TIAM1: variants seen among roughly 807,000 people sequenced by gnomAD.
TIAM1 encodes the protein rho guanine nucleotide exchange factor TIAM1.
TIAM1 carries 65 observed loss-of-function variants against 163.5 expected under a neutral mutation model. The ratio of observed to expected loss-of-function variants is 0.40; its 90% confidence interval spans 0.33 to 0.49. TIAM1 has a LOEUF of 0.49. Among genes scored for constraint, TIAM1 ranks in the 20% least tolerant of loss-of-function variants. The pLI is 0.77. For missense variants in TIAM1, 1,789 were observed against 2,044.7 expected (o/e 0.87, Z 2.41); for synonymous variants, 833 against 810.1 (o/e 1.03, Z -0.48).
At chr21:31,415,757 T>C (rs541361305) in intron 2 of TIAM1, among the ~76,000 whole-genome samples, 1 of 152,310 alleles carries the variant, frequency 6.6e-6, no homozygotes, top group African/African-American at 2.4e-5. Context: ...GGGAAGATAA[T>C]TTGAACGTTT....
At chr21:31,321,794 C>CACACCT (rs2075325223) in intron 2 of TIAM1, among the ~76,000 whole-genome samples, 1 of 152,052 alleles carries the variant, frequency 6.6e-6, no homozygotes, top group Admixed American at 6.6e-5. Context: ...CACGGTGGCT[C>CACACCT]ACACCTGTAA....
chr21:31,437,819 C>T (rs74910411), intron 2 of TIAM1, among the ~76,000 whole-genome samples: 17,310 of 152,142 alleles, frequency 0.11, 1,437 homozygotes, highest in African/African-American at 0.23. Flanking sequence ...TCCAGTATAG[C>T]CTGGAGCACC....
chr21:31,130,823 T>G, intron 24 of TIAM1, 67 bp downstream of exon 24: 1 of 1,451,252 alleles, frequency 6.9e-7, no homozygotes, highest in East Asian at 2.3e-5. Flanking sequence ...GGTAGAATTA[T>G]GCAGGCATAA....
intron 2 of TIAM1, among the ~76,000 whole-genome samples, chr21:31,462,153 G>A (rs1352764869): frequency 3.9e-5 from 6 of 152,134 alleles, no homozygotes. Context: ...GGGCCAAATA[G>A]TAACGATCTC....
chr21:31,290,665 AAAAAAAAAAAAAAT>A (rs2073987810), intron 2 of TIAM1, among the ~76,000 whole-genome samples: 1 of 134,280 alleles, frequency 7.4e-6, no homozygotes. Context: ...AAAAAAAAAA[AAAAAAAAAAAAAAT>A]TAGCAACAGA....
chr21:31,236,584 G>C (rs1038832511), intron 6 of TIAM1, among the ~76,000 whole-genome samples: 1 of 152,024 alleles, frequency 6.6e-6, no homozygotes, highest in Non-Finnish European at 1.5e-5. Context: ...AAGCCACAAG[G>C]ATAACATATC....
chr21:31,171,117 C>T (rs1601403027), intron 15 of TIAM1, among the ~76,000 whole-genome samples: 1 of 147,334 alleles, frequency 6.8e-6, no homozygotes, highest in African/African-American at 2.5e-5. Flanking sequence ...CCATTGCGGA[C>T]AAGTGAGAAA....
intron 2 of TIAM1, among the ~76,000 whole-genome samples, chr21:31,439,100 A>T (rs536432968): frequency 6.6e-6 from 1 of 152,248 alleles, no homozygotes; most frequent in South Asian, 2.1e-4. Context: ...TTGATTGGGG[A>T]TGTCTGCCAC....
At chr21:31,529,567 T>A (rs2147513406) in intron 1 of TIAM1, among the ~76,000 whole-genome samples, 1 of 152,338 alleles carries the variant, frequency 6.6e-6, no homozygotes, top group East Asian at 1.9e-4. Flanking sequence ...ATGGATTTCC[T>A]TTCAGGGAGT....
chr21:31,378,331 A>G (rs191351124), intron 2 of TIAM1, among the ~76,000 whole-genome samples: 1 of 152,034 alleles, frequency 6.6e-6, no homozygotes, highest in Non-Finnish European at 1.5e-5. Flanking sequence ...AAAAATTAAC[A>G]CCAACCTCCT....
chr21:31,249,513 G>A (rs1194067492), intron 5 of TIAM1, among the ~76,000 whole-genome samples: 2 of 152,222 alleles, frequency 1.3e-5, no homozygotes, highest in African/African-American at 4.8e-5. Flanking sequence ...TCAAGAGGCT[G>A]TGATGCAGGT....
intron 2 of TIAM1, among the ~76,000 whole-genome samples, chr21:31,336,301 G>A (rs1326717528): frequency 6.6e-6 from 1 of 152,082 alleles, no homozygotes; most frequent in East Asian, 1.9e-4. Flanking sequence ...AGTACTGGGG[G>A]AGAATCCACA....
At chr21:31,436,890 G>A (rs568986671) in intron 2 of TIAM1, among the ~76,000 whole-genome samples, 1 of 151,864 alleles carries the variant, frequency 6.6e-6, no homozygotes, top group Non-Finnish European at 1.5e-5. Context: ...CCCAGGAGGT[G>A]GAGGTTGCAC....
At chr21:31,557,195 A>G (rs2123343326) in intron 1 of TIAM1, among the ~76,000 whole-genome samples, 1 of 152,366 alleles carries the variant, frequency 6.6e-6, no homozygotes, top group South Asian at 2.1e-4. Context: ...CGATTAGATA[A>G]ATCTAATTAA....
At chr21:31,171,058 A>C (rs1032811623) in intron 15 of TIAM1, among the ~76,000 whole-genome samples, 1 of 151,124 alleles carries the variant, frequency 6.6e-6, no homozygotes, top group Non-Finnish European at 1.5e-5. Context: ...AAAAAAAAAA[A>C]AAAATTGGGG....
chr21:31,153,561 T>C (rs1367452355), intron 17 of TIAM1, among the ~76,000 whole-genome samples: 1 of 152,162 alleles, frequency 6.6e-6, no homozygotes, highest in Non-Finnish European at 1.5e-5. Context: ...TGCTTTCGCA[T>C]AGGAAATGTG....
At chr21:31,336,569 C>T (rs985448741) in intron 2 of TIAM1, among the ~76,000 whole-genome samples, 1 of 147,572 alleles carries the variant, frequency 6.8e-6, no homozygotes, top group African/African-American at 2.5e-5. Flanking sequence ...GCAACGTTGA[C>T]ATTTCTTTGG....
At chr21:31,482,060 AGTGTGTGT>A (rs10523425) in intron 1 of TIAM1, among the ~76,000 whole-genome samples, 16,633 of 145,610 alleles carry the variant, frequency 0.11, 1,051 homozygotes, top group East Asian at 0.14. Context: ...ACTGGGACAA[AGTGTGTGT>A]GTGTGTGTGT....
rs553946414 is a variant in TIAM1, at chr21:31,548,132, C to CT, written c.-422+10794dup. Among the ~76,000 whole-genome samples, 128 of 74,896 alleles carry CT rather than the reference C, an allele frequency of 1.7e-3. 4 individuals are homozygous for CT. The highest frequency in any genetic ancestry group is 2.2e-3 in the Non-Finnish European group (93 of 42,182). The allele number at this position is 74,896 out of a possible 152,430, so 49.1% of individuals were successfully genotyped here. A position where few individuals can be genotyped will look rare whatever the true frequency, so the allele number is the denominator to read the frequency against. On this transcript the variant is annotated intron_variant, in intron 1 of 28. Transcript: ENST00000286827. Reference sequence around the variant, plus strand: ...CTCGAATAGTATTTGTTATTTGTGTCTTTTTTTTTTTTTTTTTTTTTTTTG... The same window carrying CT: ...CTCGAATAGTATTTGTTATTTGTGTCTTTTTTTTTTTTTTTTTTTTTTTTTG...
Sources: gnomAD v4.1 joint callset for allele counts (sites outside exome capture counted in the v4.1 genomes callset) on GRCh38, gnomAD v4.1.1 for gene constraint, MANE v1.5 for transcripts, NCBI Gene and HGNC (gene_info 2026-07-23, HGNC 2026-07-21) for gene names.